The following RNF19A variants were observed in gnomAD, a reference collection of about 807,000 sequenced individuals.
The protein encoded by RNF19A is E3 ubiquitin-protein ligase RNF19A.
Under a neutral mutation model 75.7 loss-of-function variants are expected in RNF19A, and 32 were observed. That is an observed-to-expected ratio of 0.42 (90% CI 0.32 to 0.57). The LOEUF (loss-of-function observed/expected upper bound fraction) is 0.57, where lower values mean the gene tolerates loss of function less well. Ranked by LOEUF, RNF19A falls within the 20% of genes least tolerant of loss-of-function variation. The pLI is 0.10. For missense variants in RNF19A, 782 were observed against 1,036.3 expected, an observed-to-expected ratio of 0.75 and a Z score of 3.37; for synonymous variants, 335 against 345.2, an observed-to-expected ratio of 0.97 and a Z score of 0.33.
rs1820454473 is a variant in RNF19A at position 100,275,358 on chromosome 8, T to C, written c.675-197A>G. On this transcript the variant is annotated intron_variant, in intron 2 of 9. Coordinates refer to ENST00000341084, the MANE Select transcript of RNF19A (RefSeq NM_183419.4). This position sits in a 1 kb window ranked among gnomAD's most constrained non-coding sequence, Gnocchi z 4.3. ...ATGAAGATATATAAATGGTGTAAAA[T>C]ATTTTAAAAGTTCAATTTTTAACTT... Among the ~76,000 whole-genome samples, 1 of 151,698 alleles carries C rather than the reference T, an allele frequency of 6.6e-6. No individual in the cohort carries two copies. Among genetic ancestry groups the C allele is most frequent in the South Asian group, 2.1e-4 (1 of 4,822 alleles).
At chr8:100,304,793 T>C (rs979023067) in intron 1 of RNF19A, among the ~76,000 whole-genome samples, 81 of 152,318 alleles carry the variant, frequency 5.3e-4, no homozygotes, top group African/African-American at 1.8e-3. Flanking sequence ...GGAACTTCTA[T>C]CCTGTTTTTT....
At position 100,332,308 on chromosome 8, in the gene RNF19A, A is replaced by G. The variant is rs1822622456; in HGVS notation, c.-243+3800T>C. On this transcript the variant is annotated intron_variant, in intron 1 of 3. Coordinates refer to the RNF19A transcript ENST00000519527. This position sits in a 1 kb window ranked among gnomAD's most constrained non-coding sequence, Gnocchi z 4.8. ...TGGTAATTTCCCCCATGTTGTTCTC[A>G]TGATAGTGAGTGAGTTCTCACGTGA... Among the ~76,000 whole-genome samples, 1 of 150,980 alleles carries G rather than the reference A, an allele frequency of 6.6e-6. No individual in the cohort carries two copies. The highest frequency in any genetic ancestry group is 1.5e-5 in the Non-Finnish European group (1 of 67,720).
At position 100,287,498 on chromosome 8, in the gene RNF19A, T is replaced by C. The variant is rs190950261; in HGVS notation, c.674+3A>G. 2 of 1,580,320 alleles carry C rather than the reference T, an allele frequency of 1.3e-6. No individual in the cohort carries two copies. On this transcript the variant is annotated splice_donor_region_variant and intron_variant, in intron 2 of 9. Transcript: ENST00000341084. This position sits in a 1 kb window ranked among gnomAD's most constrained non-coding sequence, Gnocchi z 4.1. ...CAAGAAAAATCAAACATTATCTTCT[T>C]ACCCACAGTCTGGAGCTGGACACCA... is the stretch of plus-strand genomic sequence containing the variant.
chr8:100,262,437 G>A (rs1055776182), intron 7 of RNF19A, among the ~76,000 whole-genome samples: 3 of 152,186 alleles, frequency 2.0e-5, no homozygotes, highest in South Asian at 2.1e-4. Flanking sequence ...TCTAGGGAAA[G>A]AGTATTCCAG....
chr8:100,259,163 T>A lies in RNF19A; in HGVS notation c.1910A>T (p.Asp637Val). The change falls in exon 10 of 10, where the codon GAT becomes GTT. Residue 637 changes from aspartate (D) to valine (V), a missense_variant. By Grantham distance (152) the Asp-to-Val change is radical (BLOSUM62 -3). Around this residue, in one of 7 missense-constraint regions of RNF19A, gnomAD observed 442 missense variants for 541.6 expected, o/e 0.82. Transcript: ENST00000341084. This position sits in a 1 kb window ranked among gnomAD's most constrained non-coding sequence, Gnocchi z 4.5. The part of the protein sequence containing the change: ...FRHNSGSSSV[D>V]DGSATRSHAG... The stretch of plus-strand genomic sequence containing the variant: ...ATGACTTCGGGTGGCACTGCCATCA[T>A]CCACACTACTGCTTCCACTGTTGTG... The A allele has an allele frequency of 6.2e-7, 1 of 1,614,190 alleles. No homozygotes were observed. Among genetic ancestry groups the A allele is most frequent in the East Asian group, 2.2e-5 (1 of 44,890 alleles).
chr8:100,288,424 T>A (rs921301119), intron 1 of RNF19A, among the ~76,000 whole-genome samples, 157 bp from the exon 2 acceptor site: 4 of 152,182 alleles, frequency 2.6e-5, no homozygotes, highest in Non-Finnish European at 5.9e-5. Flanking sequence ...TATAAGAAAC[T>A]ACAAGACTAA....
At chr8:100,267,770 A>C (rs1174419970) in intron 5 of RNF19A, among the ~76,000 whole-genome samples, 1 of 149,484 alleles carries the variant, frequency 6.7e-6, no homozygotes, top group African/African-American at 2.5e-5. Context: ...TCCACCTCCC[A>C]GGTTCAAGTG....
upstream of RNF19A, among the ~76,000 whole-genome samples, chr8:100,310,742 A>C (rs1033216209): frequency 4.9e-5 from 7 of 143,490 alleles, no homozygotes; most frequent in Non-Finnish European, 9.0e-5. Context: ...AGTATCTTCC[A>C]TTCATCTCTT....
At position 100,319,598 on chromosome 8, in the gene RNF19A, C is replaced by T. The variant is rs111753150; in HGVS notation, c.-242-6226G>A. Among the ~76,000 whole-genome samples the T allele has an allele frequency of 2.1e-3, 302 of 147,278 alleles. 2 individuals are homozygous for T. Among genetic ancestry groups the T allele is most frequent in the South Asian group, 7.3e-3 (34 of 4,664 alleles). On this transcript the variant is annotated intron_variant, in intron 1 of 3. Coordinates refer to the RNF19A transcript ENST00000519527. ...AGGCTGGAGTGTAATGGCACAATCTCGGCTCATTGCAACCTCCCGCTCCCA... is the reference window on the plus strand; with the variant it reads ...AGGCTGGAGTGTAATGGCACAATCTTGGCTCATTGCAACCTCCCGCTCCCA...
intron 7 of RNF19A, among the ~76,000 whole-genome samples, chr8:100,263,558 A>G (rs1379820120): frequency 6.6e-6 from 1 of 152,228 alleles, no homozygotes; most frequent in Non-Finnish European, 1.5e-5. Flanking sequence ...TTGCTAGAAT[A>G]TAGAACATGC....
At position 100,282,629 on chromosome 8, in the gene RNF19A, T is replaced by A. The variant is rs1218467529; in HGVS notation, c.674+4872A>T. Among the ~76,000 whole-genome samples the A allele has an allele frequency of 2.0e-5, 3 of 150,576 alleles. No individual in the cohort carries two copies. In the East Asian group the frequency reaches 5.8e-4, roughly 29 times the overall value. On this transcript the variant is annotated intron_variant, in intron 2 of 9. Coordinates refer to ENST00000341084, the MANE Select transcript of RNF19A (RefSeq NM_183419.4). ...CTCTTTATACCCTAAATCTGTTTTC[T>A]AAGTCCCATGTACTTGTTTTCTCTG...
chr8:100,319,049 A>T (rs1309630712), intron 1 of RNF19A, among the ~76,000 whole-genome samples: 2 of 152,194 alleles, frequency 1.3e-5, no homozygotes, highest in African/African-American at 4.8e-5. Context: ...GTAAAGCTGA[A>T]TAAAGAAATT....
rs1822486640 is a variant in RNF19A at position 100,323,313 on chromosome 8, T to C, written c.-242-9941A>G. On this transcript the variant is annotated intron_variant, in intron 1 of 3. Coordinates refer to the RNF19A transcript ENST00000519527. The surrounding 1 kb of genome is among the most constrained non-coding windows in gnomAD (Gnocchi z 4.6). ...TCTGTAATATCATTTTTGGAAGTTTTATCTGAATATTTTCCTTTTCCTTTC... is the reference window on the plus strand; with the variant it reads ...TCTGTAATATCATTTTTGGAAGTTTCATCTGAATATTTTCCTTTTCCTTTC... 6.6e-6 allele frequency among the ~76,000 whole-genome samples: 1 copy of C among 152,238 alleles called. No individual in the cohort carries two copies. Among genetic ancestry groups the C allele is most frequent in the African/African-American group, 2.4e-5 (1 of 41,466 alleles).
Position 100,288,202 on chromosome 8 carries a change from C to G in RNF19A, c.-28G>C, listed in dbSNP as rs759212438. The G allele has an allele frequency of 5.2e-6, 8 of 1,552,720 alleles. No homozygotes were observed. The highest frequency in any genetic ancestry group is 7.0e-6 in the Non-Finnish European group (8 of 1,150,808). ...ACATTAAGTCATGATGTAAGAATAT[C>G]CTACTTGGTTCCTTCAGAGAATTCT... On this transcript the variant is annotated 5_prime_UTR_variant, in exon 2 of 10. Coordinates refer to ENST00000341084, the MANE Select transcript of RNF19A (RefSeq NM_183419.4).
At position 100,309,862 on chromosome 8, in the gene RNF19A, C is replaced by A; in HGVS notation, c.-94+5G>T. ...GCGCAAGCTCCTCCGGGTGCCCGCC[C>A]GTACCTTTAACTCCTCAGAGCGGCG... On this transcript the variant is annotated splice_donor_5th_base_variant and intron_variant, in intron 1 of 9. Transcript: ENST00000341084. 3.0e-6 allele frequency: 3 copies of A among 985,634 alleles called. No individual in the cohort carries two copies. Among genetic ancestry groups the A allele is most frequent in the Non-Finnish European group, 3.6e-6 (3 of 830,080 alleles). The allele number at this position is 985,634 out of a possible 1,614,324, so 61.1% of individuals were successfully genotyped here.
At chr8:100,306,578 AC>A (rs61063726) in intron 1 of RNF19A, among the ~76,000 whole-genome samples, 1,599 of 152,344 alleles carry the variant, frequency 0.01, 23 homozygotes, top group African/African-American at 0.036. Context: ...AAGAAGTGTT[AC>A]TTTTTCCACT....
intron 1 of RNF19A, among the ~76,000 whole-genome samples, chr8:100,321,774 A>G (rs755731056): frequency 1.6e-4 from 24 of 152,258 alleles, no homozygotes; most frequent in Non-Finnish European, 2.9e-4. Context: ...GTTAACAGGT[A>G]TGAAAACAAT....
upstream of RNF19A, among the ~76,000 whole-genome samples, chr8:100,314,941 G>T (rs145915440): frequency 2.2e-4 from 34 of 152,276 alleles, no homozygotes; most frequent in African/African-American, 7.7e-4. This position sits in a 1 kb window ranked among gnomAD's most constrained non-coding sequence, Gnocchi z 4.1. Flanking sequence ...CCTAGGTGCT[G>T]CGAGACACCA....
At chr8:100,321,205 C>G (rs903831791) in intron 1 of RNF19A, among the ~76,000 whole-genome samples, 1 of 152,242 alleles carries the variant, frequency 6.6e-6, no homozygotes, top group Non-Finnish European at 1.5e-5. Context: ...GCATTTTACC[C>G]ACAGTAGAAG....
Sources: allele counts gnomAD v4.1 joint callset (sites outside exome capture counted in the v4.1 genomes callset), GRCh38; gene constraint gnomAD v4.1.1; regional missense constraint gnomAD v4.1.1; non-coding constraint Gnocchi (gnomAD v3.1); transcripts MANE v1.5; gene names NCBI Gene and HGNC (gene_info 2026-07-23, HGNC 2026-07-21).